The following NHS variants were observed in gnomAD, a reference collection of about 807,000 sequenced individuals.
The protein encoded by NHS is actin remodeling regulator NHS.
A neutral mutation model predicts 72.5 loss-of-function variants in NHS; 5 were observed. The observed-to-expected ratio is 0.07, with a 90% confidence interval of 0.04 to 0.14. NHS has a LOEUF of 0.14. Among genes scored for constraint, NHS ranks in the 10% least tolerant of loss-of-function variants. The pLI is 1.00. For synonymous variants in NHS, 464 were observed against 547.7 expected (o/e 0.85, Z 2.13); for missense variants, 1,072 against 1,355.7 (o/e 0.79, Z 3.29).
Position 17,726,839 on chromosome X carries a change from A to G in NHS, c.2733A>G (p.Glu911=). 8.3e-7 allele frequency: 1 copy of G among 1,211,910 alleles called. No individual in the cohort carries two copies. The highest frequency in any genetic ancestry group is 1.1e-6 in the Non-Finnish European group (1 of 895,555). Residue 911 remains glutamate, a synonymous_variant, in exon 7 of 9, where the codon GAA becomes GAG. Transcript: ENST00000676302. ...MENANLPTKQ[E]PSWINQSEQG... is the part of the protein sequence containing the mutation. Reference sequence around the variant, plus strand: ...ACGCCAATCTTCCCACCAAGCAGGAACCTTCTTGGATAAACCAGAGTGAAC... The same window carrying G: ...ACGCCAATCTTCCCACCAAGCAGGAGCCTTCTTGGATAAACCAGAGTGAAC...
At chrX:17,429,255 T>TGCGC (rs1440017978) in intron 1 of NHS, among the ~76,000 whole-genome samples, 2 of 108,146 alleles carry the variant, frequency 1.8e-5, no homozygotes, top group African/African-American at 7.1e-5. Flanking sequence ...TGTGTGTGTG[T>TGCGC]GTGCACACGT....
intron 1 of NHS, among the ~76,000 whole-genome samples, chrX:17,579,538 G>A (rs1384399752): frequency 9.0e-6 from 1 of 111,064 alleles, no homozygotes; most frequent in Non-Finnish European, 1.9e-5. Flanking sequence ...ATGAAGAGAG[G>A]AAAAATCTAA....
chrX:17,689,833 AT>A (rs1374375530), intron 2 of NHS, among the ~76,000 whole-genome samples: 9 of 111,908 alleles, frequency 8.0e-5, no homozygotes. Flanking sequence ...AGGTATAATT[AT>A]TTTTATCCCT....
chrX:17,698,135 A>T (rs934837520), intron 3 of NHS, among the ~76,000 whole-genome samples: 2 of 111,645 alleles, frequency 1.8e-5, no homozygotes, highest in African/African-American at 6.5e-5. Flanking sequence ...TCACAAAGCA[A>T]ATCCAACTAT....
chrX:17,549,001 T>C (rs2065310888), intron 1 of NHS, among the ~76,000 whole-genome samples: 1 of 100,436 alleles, frequency 1.0e-5, no homozygotes, highest in Non-Finnish European at 2.0e-5. Flanking sequence ...AAATTAATTT[T>C]CCCATCTCTA....
rs778551806 is a variant in NHS, at chrX:17,548,484, A to G, written c.566-139258A>G. ...CATAGTAGAATCATATGAGTTCTTGACATGGACATGATGGGAGAAAAGATG... is the reference window on the plus strand; with the variant it reads ...CATAGTAGAATCATATGAGTTCTTGGCATGGACATGATGGGAGAAAAGATG... On this transcript the variant is annotated intron_variant, in intron 1 of 8. Transcript: ENST00000676302. Among the ~76,000 whole-genome samples, 4 of 111,028 alleles carry G rather than the reference A, an allele frequency of 3.6e-5. No homozygotes were observed. The South Asian group carries it at 1.6e-3, about 43-fold the overall frequency.
intron 1 of NHS, among the ~76,000 whole-genome samples, chrX:17,489,158 A>C (rs996229392): frequency 1.8e-5 from 2 of 112,086 alleles, no homozygotes; most frequent in Middle Eastern, 4.2e-3. Flanking sequence ...TCTACGGTGT[A>C]TATGTGCCAT....
intron 1 of NHS, among the ~76,000 whole-genome samples, chrX:17,445,428 T>C (rs755734624): frequency 8.9e-6 from 1 of 111,779 alleles, no homozygotes; most frequent in East Asian, 2.8e-4. Context: ...TAGTTTGTGC[T>C]AAATGATTTT....
chrX:17,699,264 C>T (rs776080488), intron 3 of NHS, among the ~76,000 whole-genome samples: 1 of 111,445 alleles, frequency 9.0e-6, no homozygotes, highest in East Asian at 2.8e-4. Context: ...GCCAGGAAAA[C>T]ACTGAAAAAG....
rs1036618487 is a variant in NHS, at chrX:17,440,258, TAAAAAAAAAA to T, written c.565+63954_565+63963del. On this transcript the variant is annotated intron_variant, in intron 1 of 8. Coordinates refer to ENST00000676302, the MANE Select transcript of NHS (RefSeq NM_001291867.2). ...TAGGCAACCAAGCAAGACTCAGTCT[TAAAAAAAAAA>T]AAAAAAAAAAAAAAAAAGGAAACCA... Among the ~76,000 whole-genome samples, 115 of 37,285 alleles carry T rather than the reference TAAAAAAAAAA, an allele frequency of 3.1e-3. 3 individuals are homozygous for T. The highest frequency in any genetic ancestry group is 0.013 in the African/African-American group (110 of 8,505). The allele number at this position is 37,285 out of a possible 115,157, so 32.4% of individuals were successfully genotyped here. A position where few individuals can be genotyped will look rare whatever the true frequency, so the allele number is the denominator to read the frequency against.
intron 1 of NHS, among the ~76,000 whole-genome samples, chrX:17,542,919 A>G (rs1053035915): frequency 2.7e-5 from 3 of 112,507 alleles, no homozygotes; most frequent in East Asian, 2.8e-4. Flanking sequence ...TAAAGGAGAT[A>G]TAAGTAATAA....
intron 1 of NHS, among the ~76,000 whole-genome samples, chrX:17,416,262 T>C (rs988297651): frequency 9.0e-6 from 1 of 111,328 alleles, no homozygotes; most frequent in Non-Finnish European, 1.9e-5. Context: ...CCCTCACCTA[T>C]ACAAGATAAA....
intron 1 of NHS, among the ~76,000 whole-genome samples, chrX:17,577,784 G>A (rs1253029494): frequency 2.1e-4 from 23 of 111,733 alleles, no homozygotes; most frequent in Non-Finnish European, 4.0e-4. Context: ...TTAGAAGCCT[G>A]TCTGTGTCTA....
At chrX:17,537,357 C>G (rs948372166) in intron 1 of NHS, among the ~76,000 whole-genome samples, 4 of 112,288 alleles carry the variant, frequency 3.6e-5, no homozygotes, top group African/African-American at 6.5e-5. Context: ...AAATCTACAC[C>G]TAGAAGAAGA....
chrX:17,611,258 A>G (rs1829043396), intron 1 of NHS, among the ~76,000 whole-genome samples: 1 of 112,149 alleles, frequency 8.9e-6, no homozygotes, highest in Non-Finnish European at 1.9e-5. Context: ...CATTTATATG[A>G]GGGAAGCCAG....
chrX:17,466,621 C>G (rs1328986884), intron 1 of NHS, among the ~76,000 whole-genome samples: 1 of 111,780 alleles, frequency 8.9e-6, no homozygotes, highest in South Asian at 3.8e-4. Context: ...GTTGACAAAT[C>G]TGGTTGCATC....
chrX:17,422,579 C>T (rs1260072592), intron 1 of NHS, among the ~76,000 whole-genome samples: 1 of 111,491 alleles, frequency 9.0e-6, no homozygotes, highest in Non-Finnish European at 1.9e-5. Context: ...TAGCCACACC[C>T]CTGTTCTCCA....
chrX:17,656,681 G>A (rs935302059), intron 1 of NHS, among the ~76,000 whole-genome samples: 10 of 112,366 alleles, frequency 8.9e-5, no homozygotes, highest in African/African-American at 1.6e-4. Context: ...TAAGTTTGCC[G>A]CCTCCTCCCT....
At chrX:17,685,826 A>T (rs192037420) in intron 1 of NHS, among the ~76,000 whole-genome samples, 1 of 111,972 alleles carries the variant, frequency 8.9e-6, no homozygotes, top group Admixed American at 9.4e-5. Flanking sequence ...ATACCAAAAT[A>T]GGAAAAGTCT....
Sources: allele counts gnomAD v4.1 joint callset (sites outside exome capture counted in the v4.1 genomes callset), GRCh38; gene constraint gnomAD v4.1.1; transcripts MANE v1.5; gene names NCBI Gene and HGNC (gene_info 2026-07-23, HGNC 2026-07-21).